FANCA: variants seen among roughly 807,000 people sequenced by gnomAD.
FANCA encodes the protein FA complementation group A, also known as Fanconi anemia group A protein.
Under a neutral mutation model 194.3 loss-of-function variants are expected in FANCA, and 236 were observed. The ratio of observed to expected loss-of-function variants is 1.21; its 90% confidence interval spans 1.09 to 1.35. The LOEUF is 1.35. Among genes scored for constraint, FANCA ranks in the 40% most tolerant of loss-of-function variants. The probability of loss-of-function intolerance (pLI) is 0.00; values close to 1 mark genes in which losing one functional copy is unlikely to be tolerated. For synonymous variants in FANCA, 1,014 were observed against 715.8 expected (o/e 1.42, Z -6.65); for missense variants, 2,628 against 1,813.9 (o/e 1.45, Z -8.15).
intron 27 of FANCA, 101 bp from the exon 28 acceptor site, chr16:89,765,167 A>G (rs1419700814): frequency 1.5e-6 from 2 of 1,329,954 alleles, no homozygotes. Flanking sequence ...CAGCCCACAC[A>G]CACAACCCCA....
chr16:89,782,419 G>A (rs982826036), intron 17 of FANCA, among the ~76,000 whole-genome samples: 1 of 151,754 alleles, frequency 6.6e-6, no homozygotes, highest in Non-Finnish European at 1.5e-5. Flanking sequence ...GCTGAGGCAG[G>A]AGAATGGCGT....
intron 30 of FANCA, among the ~76,000 whole-genome samples, chr16:89,752,978 A>AGGCCTCACCGTCTCCCTGTGATGCTGT (rs2038649020): frequency 6.6e-6 from 1 of 152,120 alleles, no homozygotes; most frequent in African/African-American, 2.4e-5. Flanking sequence ...AGTTATCCGG[A>AGGCCTCACCGTCTCCCTGTGATGCTGT]GGCCTCACCG....
At chr16:89,751,920 G>T (rs536951040) in intron 31 of FANCA, among the ~76,000 whole-genome samples, 6 of 151,868 alleles carry the variant, frequency 4.0e-5, no homozygotes, top group Non-Finnish European at 8.8e-5. Flanking sequence ...ACAGGTGCCC[G>T]CCACCACGCC....
intron 3 of FANCA, among the ~76,000 whole-genome samples, chr16:89,812,062 A>T (rs1271764173): frequency 6.8e-6 from 1 of 147,372 alleles, no homozygotes; most frequent in African/African-American, 2.5e-5. Context: ...CGGGCCGGGC[A>T]CGGTGGCTCA....
chr16:89,793,051 G>C (rs995512441), intron 11 of FANCA, among the ~76,000 whole-genome samples: 2 of 152,208 alleles, frequency 1.3e-5, no homozygotes, highest in African/African-American at 4.8e-5. Context: ...GACCACTGAA[G>C]CACAGCATCA....
At chr16:89,777,247 T>A (rs748143166) in intron 20 of FANCA, among the ~76,000 whole-genome samples, 1 of 150,448 alleles carries the variant, frequency 6.6e-6, no homozygotes, top group African/African-American at 2.5e-5. Context: ...CTGGGTGTGG[T>A]GGAGCACGCC....
chr16:89,784,576 T>A (rs2039833415), intron 15 of FANCA, among the ~76,000 whole-genome samples: 1 of 152,098 alleles, frequency 6.6e-6, no homozygotes, highest in Non-Finnish European at 1.5e-5. Context: ...ACATAATATA[T>A]CTACCCACCT....
At chr16:89,770,660 G>A (rs750124662) in intron 23 of FANCA, 26 bp from the exon 24 acceptor site, 11 of 1,582,004 alleles carry the variant, frequency 7.0e-6, no homozygotes, top group South Asian at 4.6e-5. Context: ...TCTCATGAGC[G>A]TGGTGTCCTG....
Position 89,738,548 on chromosome 16 carries a change from T to C in FANCA, c.*53A>G, listed in dbSNP as rs948918065. ...GTGCAACAAGAGCTCCATGTTATGCTTGTAATAAATTATTTACACGGGAGC... is the reference window on the plus strand; with the variant it reads ...GTGCAACAAGAGCTCCATGTTATGCCTGTAATAAATTATTTACACGGGAGC... On this transcript the variant is annotated 3_prime_UTR_variant, in exon 43 of 43. Transcript: ENST00000389301. The C allele has an allele frequency of 5.0e-6, 8 of 1,610,536 alleles. No individual in the cohort carries two copies. The African/African-American group carries it at 1.1e-4, about 22-fold the overall frequency.
At chr16:89,795,706 T>C (rs1470138618) in intron 11 of FANCA, among the ~76,000 whole-genome samples, 200 bp downstream of exon 11, 2 of 152,228 alleles carry the variant, frequency 1.3e-5, no homozygotes, top group Non-Finnish European at 2.9e-5. Flanking sequence ...ATTCTGAATT[T>C]TCTTATAAAA....
intron 31 of FANCA, 149 bp downstream of exon 31, chr16:89,751,989 C>G: frequency 1.3e-6 from 1 of 768,866 alleles, no homozygotes; most frequent in Non-Finnish European, 2.4e-6. Flanking sequence ...CCAGCATGGT[C>G]TCGATCTCCT....
intron 31 of FANCA, among the ~76,000 whole-genome samples, chr16:89,751,770 CTTT>C (rs35187435): frequency 1.4e-5 from 2 of 144,888 alleles, no homozygotes; most frequent in African/African-American, 5.0e-5. Flanking sequence ...CAATAAATAT[CTTT>C]TTTTTTTTTT....
At chr16:89,816,276 A>C (rs1370174412) in intron 1 of FANCA, 4 of 268,992 alleles carry the variant, frequency 1.5e-5, no homozygotes, top group African/African-American at 4.5e-5. Flanking sequence ...GGCCCGCCTG[A>C]CAGGGCGGCC....
At chr16:89,811,179 A>G (rs2040864951) in intron 3 of FANCA, 108 bp from the exon 4 acceptor site, 2 of 1,455,080 alleles carry the variant, frequency 1.4e-6, no homozygotes, top group Non-Finnish European at 1.9e-6. Flanking sequence ...CACAAAAAAA[A>G]TTGCCTTTTA....
intron 6 of FANCA, among the ~76,000 whole-genome samples, chr16:89,807,883 T>TA (rs1043989415): frequency 2.0e-5 from 3 of 148,936 alleles, no homozygotes; most frequent in East Asian, 2.0e-4. Flanking sequence ...ACTCTGTCCC[T>TA]AAAAAAAATA....
At chr16:89,749,243 C>T (rs1441772963) in intron 32 of FANCA, among the ~76,000 whole-genome samples, 1 of 152,170 alleles carries the variant, frequency 6.6e-6, no homozygotes, top group African/African-American at 2.4e-5. Context: ...GACAGAGTCT[C>T]GCTCTGTTGC....
rs144917678 is a variant in FANCA, at chr16:89,809,806, T to A, written c.522+901A>T. On this transcript the variant is annotated intron_variant, in intron 5 of 42. Coordinates refer to ENST00000389301, the MANE Select transcript of FANCA (RefSeq NM_000135.4). ...AGGCGGACGTTGCGATAAGCCAAGATAGCACCATTGCACTCCAGCCTGGGC... is the reference window on the plus strand; with the variant it reads ...AGGCGGACGTTGCGATAAGCCAAGAAAGCACCATTGCACTCCAGCCTGGGC... Among the ~76,000 whole-genome samples, 354 of 149,888 alleles carry A rather than the reference T, an allele frequency of 2.4e-3. 2 individuals carry two copies. Among genetic ancestry groups the A allele is most frequent in the East Asian group, 0.014 (69 of 5,062 alleles).
rs1241241414 is a variant in FANCA at position 89,789,285 on chromosome 16, GC to G, written c.1359+2117del. Among the ~76,000 whole-genome samples, 3 of 127,794 alleles carry G rather than the reference GC, an allele frequency of 2.3e-5. No homozygotes were observed. In the East Asian group the frequency reaches 1.1e-3, roughly 48 times the overall value. 83.8% of individuals were successfully genotyped at this position (127,794 alleles called of 152,430 possible). A position where few individuals can be genotyped will look rare whatever the true frequency, so the allele number is the denominator to read the frequency against. On this transcript the variant is annotated intron_variant, in intron 14 of 42. Transcript: ENST00000389301. ...CAGATGCGGCTCAGCCTCCTGTGCA[GC>G]CTCAGCTCCTCAGAAGGCCTGGGGG...
rs763531092 is a variant in FANCA at position 89,770,641 on chromosome 16, A to G, written c.2152-7T>C. 1.1e-5 allele frequency: 17 copies of G among 1,605,164 alleles called. No homozygotes were observed. The highest frequency in any genetic ancestry group is 1.4e-5 in the Non-Finnish European group (17 of 1,175,628). ...TCAGCAGGAGGTCCACAGCCTGCAGAGACACAGTTCTCATGAGCGTGGTGT... is the reference window on the plus strand; with the variant it reads ...TCAGCAGGAGGTCCACAGCCTGCAGGGACACAGTTCTCATGAGCGTGGTGT... On this transcript the variant is annotated splice_polypyrimidine_tract_variant and splice_region_variant and intron_variant, in intron 23 of 42. Coordinates refer to ENST00000389301, the MANE Select transcript of FANCA (RefSeq NM_000135.4).
Sources: allele counts gnomAD v4.1 joint callset (sites outside exome capture counted in the v4.1 genomes callset), GRCh38; gene constraint gnomAD v4.1.1; transcripts MANE v1.5; gene names NCBI Gene and HGNC (gene_info 2026-07-23, HGNC 2026-07-21).